RABGAP1L: variants seen among roughly 807,000 people sequenced by gnomAD.
RABGAP1L encodes the protein RAB GTPase activating protein 1 like.
Under a neutral mutation model 137.7 loss-of-function variants are expected in RABGAP1L, and 63 were observed. That is an observed-to-expected ratio of 0.46 (90% confidence interval 0.37 to 0.56). The LOEUF (loss-of-function observed/expected upper bound fraction) is 0.56, where lower values mean the gene tolerates loss of function less well. RABGAP1L is among the 20% of genes least tolerant of loss of function. The probability of loss-of-function intolerance (pLI) is 0.00; values close to 1 mark genes in which losing one functional copy is unlikely to be tolerated. For synonymous variants in RABGAP1L, 431 were observed against 433.7 expected (o/e 0.99, Z 0.08); for missense variants, 1,095 against 1,244.0 (o/e 0.88, Z 1.80).
At chr1:174,202,228 T>C (rs1276740206) in intron 1 of RABGAP1L, among the ~76,000 whole-genome samples, 1 of 152,160 alleles carries the variant, frequency 6.6e-6, no homozygotes, top group Non-Finnish European at 1.5e-5. Flanking sequence ...ATCGCTACAC[T>C]GACTTCCACA....
chr1:174,247,038 T>A (rs1571760221), intron 5 of RABGAP1L, among the ~76,000 whole-genome samples: 1 of 152,290 alleles, frequency 6.6e-6, no homozygotes, highest in East Asian at 1.9e-4. Context: ...TTTTTTTTTC[T>A]CCATCATTCT....
At chr1:174,487,855 C>G (rs373337998) in intron 13 of RABGAP1L, among the ~76,000 whole-genome samples, 5 of 152,100 alleles carry the variant, frequency 3.3e-5, no homozygotes, top group African/African-American at 1.2e-4. Flanking sequence ...TTATTTTAAG[C>G]TATAACAACT....
rs143048599 is a variant in RABGAP1L, at chr1:174,980,322, C to A, written c.2733+1432C>A. Among the ~76,000 whole-genome samples the A allele has an allele frequency of 2.0e-5, 3 of 152,176 alleles. No individual in the cohort carries two copies. In the East Asian group the frequency reaches 5.8e-4, roughly 29 times the overall value. ...ATAATCAACATATGTTTATTTAATG[C>A]CTGCTCTCTGTGAGGCTTAATACTT... is the stretch of plus-strand genomic sequence containing the variant. On this transcript the variant is annotated intron_variant, in intron 23 of 25. Transcript: ENST00000681986.
intron 19 of RABGAP1L, among the ~76,000 whole-genome samples, chr1:174,919,982 A>G (rs1209458285): frequency 6.6e-6 from 1 of 152,250 alleles, no homozygotes; most frequent in Non-Finnish European, 1.5e-5. Flanking sequence ...TGTATACTAT[A>G]TGCTTGGCAT....
chr1:174,984,193 C>CA, intron 24 of RABGAP1L, among the ~76,000 whole-genome samples: 1 of 151,848 alleles, frequency 6.6e-6, no homozygotes, highest in South Asian at 2.1e-4. Context: ...CCACCCCCAA[C>CA]AACAGGCCCT....
At position 174,394,024 on chromosome 1, in the gene RABGAP1L, G is replaced by A; in HGVS notation, c.1589G>A (p.Gly530Glu). Reference protein sequence around the residue: ...WHSNLGARPKGLSTLVKSGVP... With the variant: ...WHSNLGARPKELSTLVKSGVP... The stretch of plus-strand genomic sequence containing the variant: ...AGTAACCTTGGTGCACGACCGAAAG[G>A]GCTGTCTACTCTGGTGAAGAGTGGT... Residue 530 changes from glycine (G) to glutamate (E), a missense_variant, in exon 13 of 26, where the codon GGG becomes GAG. Gly to Glu is a moderately conservative substitution (Grantham distance 98). This residue lies in a region of RABGAP1L where 315 missense variants were observed against 324.8 expected (regional missense o/e 0.97). Transcript: ENST00000681986. 6.2e-7 allele frequency: 1 copy of A among 1,613,618 alleles called. No homozygotes were observed. Among genetic ancestry groups the A allele is most frequent in the South Asian group, 1.1e-5 (1 of 91,022 alleles).
intron 11 of RABGAP1L, among the ~76,000 whole-genome samples, chr1:174,351,447 A>G (rs1683181268): frequency 6.6e-6 from 1 of 152,010 alleles, no homozygotes; most frequent in African/African-American, 2.4e-5. Flanking sequence ...TGAATATACT[A>G]TCCTAAGATT....
intron 13 of RABGAP1L, among the ~76,000 whole-genome samples, chr1:174,457,669 A>G (rs1000780694): frequency 1.4e-4 from 21 of 151,718 alleles, no homozygotes; most frequent in African/African-American, 5.1e-4. Context: ...CGCCTAGCTA[A>G]TTTTTGTATT....
At chr1:174,454,875 A>G (rs1655872494) in intron 13 of RABGAP1L, among the ~76,000 whole-genome samples, 1 of 152,118 alleles carries the variant, frequency 6.6e-6, no homozygotes, top group Non-Finnish European at 1.5e-5. Flanking sequence ...TAAATGCATC[A>G]TTCATGGCAC....
chr1:174,811,801 G>A (rs772872886), intron 18 of RABGAP1L, 31 bp from the exon 19 acceptor site: 1 of 1,505,024 alleles, frequency 6.6e-7, no homozygotes, highest in South Asian at 1.5e-5. Context: ...AGGCTGAAAT[G>A]TAATGACGAT....
chr1:174,382,746 T>C (rs1686275649), intron 12 of RABGAP1L, among the ~76,000 whole-genome samples: 1 of 145,926 alleles, frequency 6.9e-6, no homozygotes, highest in Non-Finnish European at 1.5e-5. Context: ...TGTCCTCCCG[T>C]AGCTCAGAGT....
chr1:174,657,423 G>C (rs940637733), intron 14 of RABGAP1L, among the ~76,000 whole-genome samples: 1 of 152,004 alleles, frequency 6.6e-6, no homozygotes, highest in African/African-American at 2.4e-5. Flanking sequence ...CAAGCTTCTA[G>C]TATCCTCTAT....
intron 13 of RABGAP1L, among the ~76,000 whole-genome samples, chr1:174,462,011 C>T (rs180738695): frequency 7.9e-4 from 120 of 152,196 alleles, no homozygotes; most frequent in Non-Finnish European, 1.4e-3. Context: ...TTTTGTTTTA[C>T]CCAAGAACCT....
intron 15 of RABGAP1L, among the ~76,000 whole-genome samples, chr1:174,687,286 G>A (rs1678550945): frequency 6.6e-6 from 1 of 152,134 alleles, no homozygotes; most frequent in Non-Finnish European, 1.5e-5. Flanking sequence ...TCCAGTGTAT[G>A]TTACAAGAGA....
intron 13 of RABGAP1L, among the ~76,000 whole-genome samples, chr1:174,574,523 A>C (rs964027216): frequency 6.6e-6 from 1 of 152,174 alleles, no homozygotes; most frequent in Admixed American, 6.5e-5. Context: ...AAAAGATTGA[A>C]GCTTTAAACA....
At chr1:174,351,996 G>A (rs1032628675) in intron 11 of RABGAP1L, among the ~76,000 whole-genome samples, 9 of 152,032 alleles carry the variant, frequency 5.9e-5, no homozygotes, top group African/African-American at 2.2e-4. Context: ...TTTTAGTAGA[G>A]ACAGGGTTTC....
chr1:174,450,722 G>A (rs1413174667), intron 13 of RABGAP1L, among the ~76,000 whole-genome samples: 4 of 152,126 alleles, frequency 2.6e-5, no homozygotes, highest in Non-Finnish European at 5.9e-5. Context: ...GCAAGTATGA[G>A]CAGTAAAACA....
At chr1:174,771,051 A>T (rs1206262448) in intron 18 of RABGAP1L, among the ~76,000 whole-genome samples, 1 of 152,226 alleles carries the variant, frequency 6.6e-6, no homozygotes, top group Admixed American at 6.5e-5. Context: ...ACATTTTCCA[A>T]AGGTGGCATC....
At chr1:174,682,056 G>A (rs1678101704) in intron 14 of RABGAP1L, among the ~76,000 whole-genome samples, 1 of 152,060 alleles carries the variant, frequency 6.6e-6, no homozygotes, top group Admixed American at 6.6e-5. Context: ...TGAGGTGAGA[G>A]GAACACCTGA....
Sources: gnomAD v4.1 joint callset for allele counts (sites outside exome capture counted in the v4.1 genomes callset) on GRCh38, gnomAD v4.1.1 for gene constraint, gnomAD v4.1.1 regional missense constraint, MANE v1.5 for transcripts, NCBI Gene and HGNC (gene_info 2026-07-23, HGNC 2026-07-21) for gene names.